Variants in AACS observed in about 807,000 individuals in gnomAD.
AACS encodes acetoacetyl-CoA synthetase, also known as acetoacetate-CoA ligase.
Under a neutral mutation model 83.1 loss-of-function variants are expected in AACS, and 69 were observed. That is an observed-to-expected ratio of 0.83 (90% CI 0.68 to 1.01). The LOEUF (loss-of-function observed/expected upper bound fraction) is 1.01. AACS is among the 50% of genes least tolerant of loss of function. AACS has a pLI of 0.00. For missense variants in AACS, 866 were observed against 882.2 expected, an observed-to-expected ratio of 0.98 and a Z score of 0.23; for synonymous variants, 333 against 343.4, an observed-to-expected ratio of 0.97 and a Z score of 0.33.
intron 8 of AACS, among the ~76,000 whole-genome samples, chr12:125,110,005 G>A (rs555158466): frequency 6.7e-6 from 1 of 150,112 alleles, no homozygotes; most frequent in South Asian, 2.1e-4. Flanking sequence ...TGAAATGCCT[G>A]GGTCAATGTG....
At chr12:125,096,941 A>G (rs1445796990) in intron 5 of AACS, among the ~76,000 whole-genome samples, 2 of 151,996 alleles carry the variant, frequency 1.3e-5, no homozygotes, top group Admixed American at 1.3e-4. Context: ...CTTCTGTCCC[A>G]GTCTCCTGCC....
In AACS at chr12:125,134,814, A is replaced by G. The variant is rs145059717; in HGVS notation, c.1640A>G (p.Asn547Ser). The G allele has an allele frequency of 9.9e-6, 16 of 1,613,890 alleles. No individual in the cohort carries two copies. The East Asian group carries it at 3.3e-4, about 34-fold the overall frequency. Residue 547 changes from asparagine (N) to serine (S), a missense_variant, in exon 16 of 18, where the codon AAC (asparagine) becomes AGC (serine). Transcript: ENST00000316519. ...LGRSDGTLNP[N>S]GVRFGSSEIY... ...TCCAGTGACGGCACCCTCAACCCCA[A>G]CGGGGTGCGGTTCGGCAGCTCGGAA...
intron 2 of AACS, among the ~76,000 whole-genome samples, chr12:125,076,174 A>T (rs2343542): frequency 0.39 from 59,040 of 152,114 alleles, 12,668 homozygotes; most frequent in Non-Finnish European, 0.48. Flanking sequence ...GCGTCTGGGC[A>T]GAGCCTGACG....
At chr12:125,066,050 C>A (rs1955681122) in intron 1 of AACS, among the ~76,000 whole-genome samples, 3 of 152,198 alleles carry the variant, frequency 2.0e-5, no homozygotes, top group Admixed American at 2.0e-4. Context: ...GGAGTCTTGA[C>A]CTCCGGCCTG....
intron 3 of AACS, among the ~76,000 whole-genome samples, chr12:125,084,851 G>A (rs1382352511): frequency 1.3e-5 from 2 of 152,082 alleles, no homozygotes; most frequent in East Asian, 3.9e-4. Flanking sequence ...CAAAGCGCTG[G>A]CATTACAGGC....
rs569763100 is a variant in AACS at position 125,113,632 on chromosome 12, A to C, written c.916-845A>C. ...ACATGAGGGAGCTCCCGGCATGCCA[A>C]GGAAGAGCTCCCAGGTGTGCTGTTA... is the stretch of plus-strand genomic sequence containing the variant. On this transcript the variant is annotated intron_variant, in intron 8 of 17. Transcript: ENST00000316519. This position sits in a 1 kb window ranked among gnomAD's most constrained non-coding sequence, Gnocchi z 4.8. Among the ~76,000 whole-genome samples, 16 of 152,352 alleles carry C rather than the reference A, an allele frequency of 1.1e-4. No homozygotes were observed. The highest frequency in any genetic ancestry group is 3.8e-4 in the African/African-American group (16 of 41,584).
chr12:125,086,633 C>G (rs548685470), intron 4 of AACS, among the ~76,000 whole-genome samples, 190 bp downstream of exon 4: 1 of 152,286 alleles, frequency 6.6e-6, no homozygotes, highest in South Asian at 2.1e-4. Flanking sequence ...TGCTGCTCTG[C>G]GAAGGCAGGA....
rs1405781423 is a variant in AACS, at chr12:125,102,759, C to T, written c.651C>T (p.His217=). 6.2e-7 allele frequency: 1 copy of T among 1,614,206 alleles called. No individual in the cohort carries two copies. Among genetic ancestry groups the T allele is most frequent in the Non-Finnish European group, 8.5e-7 (1 of 1,180,028 alleles). Residue 217 remains histidine, a synonymous_variant, in exon 6 of 18, where the codon CAC becomes CAT. Transcript: ENST00000316519. The part of the protein sequence containing the change: ...VEAVVYNGKE[H]NHMEKLQQVV... Reference sequence around the variant, plus strand: ...CTGTTGTCTATAATGGCAAAGAGCACAACCACATGGAAAAGCTGCAGCAGG... The same window carrying T: ...CTGTTGTCTATAATGGCAAAGAGCATAACCACATGGAAAAGCTGCAGCAGG...
At chr12:125,134,669 A>G in intron 15 of AACS, 125 bp from the exon 16 acceptor site, 2 of 969,594 alleles carry the variant, frequency 2.1e-6, no homozygotes, top group Admixed American at 2.0e-5. Context: ...TGGGGAGCGG[A>G]GTGTCCGTGA....
intron 3 of AACS, among the ~76,000 whole-genome samples, chr12:125,085,963 C>T (rs903898695): frequency 3.3e-5 from 5 of 151,978 alleles, no homozygotes; most frequent in South Asian, 2.1e-4. Context: ...CTAATTTTTA[C>T]GTTTTTGGTA....
chr12:125,085,333 CATTG>C (rs1956307783), intron 3 of AACS, among the ~76,000 whole-genome samples: 1 of 152,150 alleles, frequency 6.6e-6, no homozygotes, highest in Non-Finnish European at 1.5e-5. Flanking sequence ...CACACGTGCA[CATTG>C]CATCCATGTC....
intron 3 of AACS, among the ~76,000 whole-genome samples, chr12:125,077,546 T>C (rs931797265): frequency 6.6e-6 from 1 of 150,982 alleles, no homozygotes; most frequent in Non-Finnish European, 1.5e-5. Context: ...TCAGCAAGAG[T>C]TTATTGGACA....
rs763868188 is a variant in AACS at position 125,118,703 on chromosome 12, G to T, written c.1059G>T (p.Leu353Phe). The T allele has an allele frequency of 1.2e-6, 2 of 1,614,132 alleles. No homozygotes were observed. Among genetic ancestry groups the T allele is most frequent in the Non-Finnish European group, 1.7e-6 (2 of 1,179,992 alleles). The change falls in exon 10 of 18, where the codon TTG becomes TTT. Residue 353 changes from leucine (L) to phenylalanine (F), a missense_variant. Leu to Phe is a conservative substitution (Grantham distance 22). Coordinates refer to ENST00000316519, the MANE Select transcript of AACS (RefSeq NM_023928.5). ...TGGCCACAGGAGCGGCCATGGTCTT[G>T]TACGATGGCTCCCCCCTGGTGCCCA... is the stretch of plus-strand genomic sequence containing the variant. ...SLLATGAAMV[L>F]YDGSPLVPTP...
chr12:125,141,788 A>T, intron 17 of AACS: 1 of 309,582 alleles, frequency 3.2e-6, no homozygotes, highest in Non-Finnish European at 5.9e-6. Flanking sequence ...CAGTTTCTCA[A>T]CAGCCGTGCC....
At chr12:125,091,874 T>G (rs1956493907) in intron 5 of AACS, among the ~76,000 whole-genome samples, 1 of 152,156 alleles carries the variant, frequency 6.6e-6, no homozygotes, top group Admixed American at 6.5e-5. Context: ...TGAAGAGAGT[T>G]CTCTAGATTT....
At chr12:125,081,601 T>TA (rs1201575340) in intron 3 of AACS, among the ~76,000 whole-genome samples, 1 of 152,164 alleles carries the variant, frequency 6.6e-6, no homozygotes, top group Non-Finnish European at 1.5e-5. Context: ...ATGCCCTGCT[T>TA]AAAAAAATAC....
intron 3 of AACS, among the ~76,000 whole-genome samples, chr12:125,077,334 C>A (rs1956049378): frequency 6.6e-6 from 1 of 151,822 alleles, no homozygotes; most frequent in African/African-American, 2.4e-5. Flanking sequence ...CATGGTGAAA[C>A]CCCGTCTCTA....
intron 17 of AACS, among the ~76,000 whole-genome samples, 162 bp from the exon 18 acceptor site, chr12:125,141,930 C>T (rs180973122): frequency 7.6e-4 from 116 of 152,148 alleles, no homozygotes; most frequent in African/African-American, 2.7e-3. Context: ...CTTCGGTGCA[C>T]GTTTGCAGAC....
intron 14 of AACS, among the ~76,000 whole-genome samples, chr12:125,133,436 T>C (rs1185911011): frequency 6.6e-6 from 1 of 152,222 alleles, no homozygotes; most frequent in Non-Finnish European, 1.5e-5. Context: ...CATCCCTGGC[T>C]CTTTCCTCTT....
Sources: allele counts gnomAD v4.1 joint callset (sites outside exome capture counted in the v4.1 genomes callset), GRCh38; gene constraint gnomAD v4.1.1; non-coding constraint Gnocchi (gnomAD v3.1); transcripts MANE v1.5; gene names NCBI Gene and HGNC (gene_info 2026-07-23, HGNC 2026-07-21).